The following SCD variants were observed in gnomAD, a reference collection of about 807,000 sequenced individuals.
The protein encoded by SCD is acyl-CoA desaturase.
Under a neutral mutation model 35.7 loss-of-function variants are expected in SCD, and 4 were observed. That is an observed-to-expected ratio of 0.11 (90% CI 0.06 to 0.26). The LOEUF (loss-of-function observed/expected upper bound fraction) is 0.26, where lower values mean the gene tolerates loss of function less well. Among genes scored for constraint, SCD ranks in the 10% least tolerant of loss-of-function variants. SCD has a pLI of 1.00. For synonymous variants in SCD, 150 were observed against 170.2 expected (o/e 0.88, Z 0.92); for missense variants, 282 against 460.7 (o/e 0.61, Z 3.55).
chr10:100,355,741 G>C (rs1340817902), intron 4 of SCD, among the ~76,000 whole-genome samples: 1 of 152,178 alleles, frequency 6.6e-6, no homozygotes, highest in African/African-American at 2.4e-5. Context: ...TCAAAGACTT[G>C]ACTGCTGAAG....
intron 5 of SCD, among the ~76,000 whole-genome samples, chr10:100,359,312 C>G (rs1207594306): frequency 6.6e-6 from 1 of 151,598 alleles, no homozygotes; most frequent in Non-Finnish European, 1.5e-5. Flanking sequence ...ATTACCTCCC[C>G]CACTGTCACA....
intron 2 of SCD, among the ~76,000 whole-genome samples, chr10:100,351,918 C>T (rs1225856953): frequency 6.6e-6 from 1 of 152,132 alleles, no homozygotes; most frequent in East Asian, 1.9e-4. Flanking sequence ...GCTGGGATGA[C>T]AAAGTGGTTC....
At position 100,352,619 on chromosome 10, in the gene SCD, T is replaced by C. The variant is rs1849883980; in HGVS notation, c.441+123T>C. 3 of 909,190 alleles carry C rather than the reference T, an allele frequency of 3.3e-6. No individual in the cohort carries two copies. Among genetic ancestry groups the C allele is most frequent in the Non-Finnish European group, 5.1e-6 (3 of 583,440 alleles). 56.3% of individuals were successfully genotyped at this position (909,190 alleles called of 1,614,324 possible). ...AGCCATTTCACTTTCCTCTCTCCTG[T>C]AGTCACCTCAAGTTCCAGTTCAGTC... On this transcript the variant is annotated intron_variant, in intron 3 of 5. Coordinates refer to ENST00000370355, the MANE Select transcript of SCD (RefSeq NM_005063.5). The surrounding 1 kb of genome is among the most constrained non-coding windows in gnomAD (Gnocchi z 4.2).
rs745963069 is a variant in SCD at position 100,360,879 on chromosome 10, C to G, written c.1026C>G (p.Ala342=). ...LAYDRKKVSK[A]AILARIKRTG... is the part of the protein sequence containing the mutation. ...ATGACCGGAAGAAAGTCTCCAAGGC[C>G]GCCATCTTGGCCAGGATTAAAAGAA... Residue 342 remains alanine (A), a synonymous_variant, in exon 6 of 6, where the codon GCC becomes GCG. Transcript: ENST00000370355. 6 of 1,613,842 alleles carry G rather than the reference C, an allele frequency of 3.7e-6. No homozygotes were observed. The highest frequency in any genetic ancestry group is 8.5e-7 in the Non-Finnish European group (1 of 1,179,880).
chr10:100,349,731 G>C (rs1380029927), intron 2 of SCD, among the ~76,000 whole-genome samples: 2 of 152,166 alleles, frequency 1.3e-5, no homozygotes, highest in African/African-American at 4.8e-5. Flanking sequence ...GCCAGGTGCA[G>C]ATCAGTTCAT....
chr10:100,360,308 A>G (rs890885317), intron 5 of SCD, among the ~76,000 whole-genome samples: 1 of 152,156 alleles, frequency 6.6e-6, no homozygotes, highest in Non-Finnish European at 1.5e-5. Context: ...GAATTTTCCA[A>G]CCTGATACCC....
At chr10:100,347,649 C>A in intron 1 of SCD, 118 bp downstream of exon 1, 1 of 1,142,428 alleles carries the variant, frequency 8.8e-7, no homozygotes, top group Non-Finnish European at 1.3e-6. Context: ...TCATCTTTTT[C>A]GAGTTGTGCT....
chr10:100,354,436 T>C lies in SCD; in HGVS notation c.451T>C (p.Tyr151His), dbSNP rs1849906495. The change falls in exon 4 of 6, where the codon TAT becomes CAT. Residue 151 changes from tyrosine to histidine, a missense_variant. By Grantham distance (83) the Tyr-to-His change is moderately conservative (BLOSUM62 2). Coordinates refer to ENST00000370355, the MANE Select transcript of SCD (RefSeq NM_005063.5). ...ANTMAFQNDV[Y>H]EWARDHRAHH... Reference sequence around the variant, plus strand: ...TTCTCTCTCTCCCCAGAATGATGTCTATGAATGGGCTCGTGACCACCGTGC... The same window carrying C: ...TTCTCTCTCTCCCCAGAATGATGTCCATGAATGGGCTCGTGACCACCGTGC... 1.2e-6 allele frequency: 2 copies of C among 1,613,754 alleles called. No individual in the cohort carries two copies. The highest frequency in any genetic ancestry group is 1.7e-6 in the Non-Finnish European group (2 of 1,179,652).
intron 5 of SCD, among the ~76,000 whole-genome samples, chr10:100,358,514 C>T (rs1031582571): frequency 1.0e-4 from 15 of 150,106 alleles, no homozygotes; most frequent in African/African-American, 3.7e-4. Flanking sequence ...ATGGCGTGAA[C>T]CCGGGAAGCG....
chr10:100,359,378 C>A (rs1258964843), intron 5 of SCD, among the ~76,000 whole-genome samples: 1 of 152,128 alleles, frequency 6.6e-6, no homozygotes, highest in African/African-American at 2.4e-5. Context: ...TGGGCTGTCT[C>A]TTGCTGCCCC....
rs200503958 is a variant in SCD, at chr10:100,356,577, G to A, written c.693G>A (p.Thr231=). The change falls in exon 5 of 6, where the codon ACG becomes ACA. Residue 231 remains threonine (T), a synonymous_variant. Coordinates refer to ENST00000370355, the MANE Select transcript of SCD (RefSeq NM_005063.5). The surrounding 1 kb of genome is among the most constrained non-coding windows in gnomAD (Gnocchi z 4.1). ...TGATGATGTGCTTCATCCTGCCCAC[G>A]CTTGTGCCCTGGTATTTCTGGGGTG... The part of the protein sequence containing the change: ...GLLMMCFILP[T]LVPWYFWGET... 9.9e-6 allele frequency: 16 copies of A among 1,614,082 alleles called. 1 individual carries two copies. The East Asian group carries it at 1.6e-4, about 16-fold the overall frequency.
chr10:100,354,588 C>T lies in SCD; in HGVS notation c.603C>T (p.Asp201=). The change falls in exon 4 of 6, where the codon GAC becomes GAT. Residue 201 remains aspartate (D), a synonymous_variant. Coordinates refer to ENST00000370355, the MANE Select transcript of SCD (RefSeq NM_005063.5). ...PAVKEKGSTL[D]LSDLEAEKLV... is the part of the protein sequence containing the mutation. ...TCAAAGAGAAGGGGAGTACGCTAGA[C>T]TTGTCTGACCTAGAAGCTGAGAAAC... 6.2e-7 allele frequency: 1 copy of T among 1,614,206 alleles called. No individual in the cohort carries two copies. Among genetic ancestry groups the T allele is most frequent in the African/African-American group, 1.3e-5 (1 of 75,056 alleles).
chr10:100,350,097 G>T (rs1371003986), intron 2 of SCD, among the ~76,000 whole-genome samples: 1 of 152,090 alleles, frequency 6.6e-6, no homozygotes, highest in Non-Finnish European at 1.5e-5. Context: ...ACCTGCCCAT[G>T]GGTGTGTGCT....
chr10:100,359,005 T>C (rs1160279035), intron 5 of SCD, among the ~76,000 whole-genome samples: 2 of 152,230 alleles, frequency 1.3e-5, no homozygotes, highest in African/African-American at 4.8e-5. Context: ...CTTCTTACCA[T>C]TGTGCCTATT....
In SCD at chr10:100,352,510, T is replaced by G; in HGVS notation, c.441+14T>G. 1 of 1,612,534 alleles carries G rather than the reference T, an allele frequency of 6.2e-7. No homozygotes were observed. On this transcript the variant is annotated intron_variant, in intron 3 of 5. Coordinates refer to ENST00000370355, the MANE Select transcript of SCD (RefSeq NM_005063.5). This position sits in a 1 kb window ranked among gnomAD's most constrained non-coding sequence, Gnocchi z 4.2. ...ATGGCATTCCAGGTAAGAAGTTGTCTCTGCTCAGCTGTTTGTCCTCCACAC... is the reference window on the plus strand; with the variant it reads ...ATGGCATTCCAGGTAAGAAGTTGTCGCTGCTCAGCTGTTTGTCCTCCACAC...
chr10:100,350,946 C>G (rs1460932430), intron 2 of SCD, among the ~76,000 whole-genome samples: 1 of 151,982 alleles, frequency 6.6e-6, no homozygotes, highest in Non-Finnish European at 1.5e-5. Context: ...TCCTGGAGAT[C>G]TTATAGGAGG....
chr10:100,353,726 A>G (rs184382817), intron 3 of SCD, among the ~76,000 whole-genome samples: 1 of 152,330 alleles, frequency 6.6e-6, no homozygotes, highest in Admixed American at 6.5e-5. Flanking sequence ...GAAGAAAGGA[A>G]ACCAACTTAG....
intron 2 of SCD, among the ~76,000 whole-genome samples, chr10:100,350,455 A>G (rs776498064): frequency 6.6e-5 from 10 of 152,078 alleles, no homozygotes; most frequent in East Asian, 5.8e-4. Context: ...CCCTTAGGAG[A>G]ATGCCTCTGG....
chr10:100,356,479 A>C lies in SCD; in HGVS notation c.648-53A>C. 7.7e-7 allele frequency: 1 copy of C among 1,304,320 alleles called. No homozygotes were observed. The highest frequency in any genetic ancestry group is 1.1e-6 in the Non-Finnish European group (1 of 899,070). The allele number at this position is 1,304,320 out of a possible 1,614,324, so 80.8% of individuals were successfully genotyped here. ...CCCTCCCAATTAGTGTGGAAGATCCATGTAGGTGTGGAGTCCCCCTCCATT... is the reference window on the plus strand; with the variant it reads ...CCCTCCCAATTAGTGTGGAAGATCCCTGTAGGTGTGGAGTCCCCCTCCATT... On this transcript the variant is annotated intron_variant, in intron 4 of 5. Transcript: ENST00000370355. The surrounding 1 kb of genome is among the most constrained non-coding windows in gnomAD (Gnocchi z 4.1).
Sources: allele counts gnomAD v4.1 joint callset (sites outside exome capture counted in the v4.1 genomes callset), GRCh38; gene constraint gnomAD v4.1.1; non-coding constraint Gnocchi (gnomAD v3.1); transcripts MANE v1.5; gene names NCBI Gene and HGNC (gene_info 2026-07-23, HGNC 2026-07-21).